ZNF486: variants seen among roughly 807,000 people sequenced by gnomAD.
ZNF486 encodes the protein KRAB box only protein 2.
A neutral mutation model predicts 12.8 loss-of-function variants in ZNF486; 12 were observed. That is an observed-to-expected ratio of 0.94 (90% CI 0.60 to 1.52). The LOEUF is 1.52. Among genes scored for constraint, ZNF486 ranks in the 40% most tolerant of loss-of-function variants. The pLI, the probability that ZNF486 is intolerant of heterozygous loss-of-function variation, is 0.00. For synonymous variants in ZNF486, 231 were observed against 184.9 expected, an observed-to-expected ratio of 1.25 and a Z score of -2.02; for missense variants, 738 against 545.0, an observed-to-expected ratio of 1.35 and a Z score of -3.53.
At position 20,197,251 on chromosome 19, in the gene ZNF486, C is replaced by T; in HGVS notation, c.541C>T (p.Pro181Ser). 2 of 1,611,558 alleles carry T rather than the reference C, an allele frequency of 1.2e-6. No homozygotes were observed. Among genetic ancestry groups the T allele is most frequent in the South Asian group, 2.2e-5 (2 of 90,520 alleles). The change falls in exon 4 of 4, where the codon CCT becomes TCT. Residue 181 changes from proline to serine, a missense_variant. Transcript: ENST00000335117. ...TAAAAGAAGACATACTGAAAAAAAA[C>T]CTTTGAAATATATAGAAGGTGACAA... ...RHKRRHTEKK[P>S]LKYIEGDKAF...
intron 1 of ZNF486, among the ~76,000 whole-genome samples, chr19:20,181,303 G>A (rs1322154936): frequency 1.3e-5 from 2 of 152,054 alleles, no homozygotes; most frequent in African/African-American, 4.8e-5. Context: ...ACTTTGGGAG[G>A]CCAAGGCGGG....
intron 1 of ZNF486, among the ~76,000 whole-genome samples, chr19:20,175,914 A>C (rs559716201): frequency 6.6e-6 from 1 of 151,498 alleles, no homozygotes; most frequent in African/African-American, 2.4e-5. Flanking sequence ...GCGGCTGGGC[A>C]GAGGCGCCCC....
At chr19:20,183,612 A>G (rs185129566) in intron 1 of ZNF486, among the ~76,000 whole-genome samples, 2 of 152,302 alleles carry the variant, frequency 1.3e-5, no homozygotes, top group Admixed American at 6.5e-5. Context: ...AATTTATCGT[A>G]GTGCAGTTAA....
At chr19:20,172,738 G>A (rs1555714084) in intron 1 of ZNF486, among the ~76,000 whole-genome samples, 2 of 142,596 alleles carry the variant, frequency 1.4e-5, no homozygotes, top group Non-Finnish European at 3.1e-5. Context: ...CTCCTGGGTT[G>A]GAGTGATTCT....
chr19:20,191,157 C>T (rs886916653), intron 3 of ZNF486, among the ~76,000 whole-genome samples: 6 of 152,176 alleles, frequency 3.9e-5, no homozygotes, highest in African/African-American at 1.4e-4. Flanking sequence ...CTGTGAGCCA[C>T]ATAAATTATT....
Position 20,188,680 on chromosome 19 carries a change from T to A in ZNF486, c.253+2598T>A, listed in dbSNP as rs546652058. 2.3e-5 allele frequency: 9 copies of A among 385,536 alleles called. No homozygotes were observed. In the East Asian group the frequency reaches 3.0e-4, roughly 13 times the overall value. The allele number at this position is 385,536 out of a possible 1,614,324, so 23.9% of individuals were successfully genotyped here. A position where few individuals can be genotyped will look rare whatever the true frequency, so the allele number is the denominator to read the frequency against. ...AAAAAAAAGCTGTTCATTTCAGGCA[T>A]GTTAAGTATATTCTCATTGTTATGT... On this transcript the variant is annotated intron_variant, in intron 3 of 3. Coordinates refer to ENST00000335117, the MANE Select transcript of ZNF486 (RefSeq NM_052852.4).
rs118141103 is a variant in ZNF486, at chr19:20,182,342, C to T, written c.31-2014C>T. Among the ~76,000 whole-genome samples the T allele has an allele frequency of 4.8e-3, 733 of 152,310 alleles. 24 individuals carry two copies. The highest frequency in any genetic ancestry group is 0.04 in the Admixed American group (607 of 15,294). The stretch of plus-strand genomic sequence containing the variant: ...TATAAGCCCATTAAAGCTTGAGAGG[C>T]AATGCTTAGCTTAGTGATTACCAGC... On this transcript the variant is annotated intron_variant, in intron 1 of 3. Coordinates refer to ENST00000335117, the MANE Select transcript of ZNF486 (RefSeq NM_052852.4).
At chr19:20,183,603 ATT>A (rs2089810102) in intron 1 of ZNF486, among the ~76,000 whole-genome samples, 1 of 152,208 alleles carries the variant, frequency 6.6e-6, no homozygotes, top group Non-Finnish European at 1.5e-5. Flanking sequence ...CATCATAAAA[ATT>A]TATCGTAGTG....
chr19:20,173,236 T>G (rs146779969), intron 1 of ZNF486, among the ~76,000 whole-genome samples: 153 of 152,310 alleles, frequency 1.0e-3, no homozygotes, highest in African/African-American at 3.6e-3. Flanking sequence ...AGTTGATTTT[T>G]GCATATGGTG....
intron 1 of ZNF486, among the ~76,000 whole-genome samples, chr19:20,182,339 A>C (rs573085258): frequency 6.6e-6 from 1 of 152,358 alleles, no homozygotes; most frequent in East Asian, 1.9e-4. Context: ...AAAGCTTGAG[A>C]GGCAATGCTT....
At chr19:20,178,663 A>G (rs1555715160) in intron 1 of ZNF486, among the ~76,000 whole-genome samples, 3 of 152,244 alleles carry the variant, frequency 2.0e-5, no homozygotes, top group Middle Eastern at 3.2e-3. Flanking sequence ...CTTCCAGTCA[A>G]TTCACACTTG....
Position 20,193,440 on chromosome 19 carries a change from T to C in ZNF486, c.254-3524T>C, listed in dbSNP as rs2089922046. 4.6e-5 allele frequency among the ~76,000 whole-genome samples: 7 copies of C among 151,784 alleles called. No individual in the cohort carries two copies. In the South Asian group the frequency reaches 1.5e-3, roughly 31 times the overall value. On this transcript the variant is annotated intron_variant, in intron 3 of 3. Transcript: ENST00000335117. ...ACTTTGGGAGGCCGAGGTGGGTGAATCAGAAGGTCAGGAGTTCGAGAGCAG... is the reference window on the plus strand; with the variant it reads ...ACTTTGGGAGGCCGAGGTGGGTGAACCAGAAGGTCAGGAGTTCGAGAGCAG...
chr19:20,186,437 T>C (rs1568323366), intron 3 of ZNF486, among the ~76,000 whole-genome samples: 1 of 152,282 alleles, frequency 6.6e-6, no homozygotes, highest in Non-Finnish European at 1.5e-5. Context: ...TAAAACCCTT[T>C]TTTAAGTTGT....
rs1007666604 is a variant in ZNF486 at position 20,169,282 on chromosome 19, T to C, written c.30+1922T>C. Among the ~76,000 whole-genome samples the C allele has an allele frequency of 3.3e-5, 5 of 152,118 alleles. No individual in the cohort carries two copies. The East Asian group carries it at 5.8e-4, about 18-fold the overall frequency. ...GGCACGCGCCGTCACGCCCGGCTAA[T>C]TATGTGTGTTTACTAGGGGTTTCTC... is the stretch of plus-strand genomic sequence containing the variant. On this transcript the variant is annotated intron_variant, in intron 1 of 3. Transcript: ENST00000335117.
intron 1 of ZNF486, among the ~76,000 whole-genome samples, chr19:20,182,871 T>G (rs1555715787): frequency 6.6e-6 from 1 of 152,058 alleles, no homozygotes; most frequent in African/African-American, 2.4e-5. Flanking sequence ...CCAGAGAATC[T>G]CATCTGAGAA....
At position 20,191,427 on chromosome 19, in the gene ZNF486, A is replaced by G. The variant is rs1031728303; in HGVS notation, c.253+5345A>G. On this transcript the variant is annotated intron_variant, in intron 3 of 3. Coordinates refer to ENST00000335117, the MANE Select transcript of ZNF486 (RefSeq NM_052852.4). ...GCTTGCAGTGAGCTGAGATTGCTCTACTGCACTCCAGCCTGGGCGACAGCG... is the reference window on the plus strand; with the variant it reads ...GCTTGCAGTGAGCTGAGATTGCTCTGCTGCACTCCAGCCTGGGCGACAGCG... Among the ~76,000 whole-genome samples, 9 of 142,720 alleles carry G rather than the reference A, an allele frequency of 6.3e-5. No homozygotes were observed. The East Asian group carries it at 1.9e-3, about 30-fold the overall frequency. 93.6% of individuals were successfully genotyped at this position (142,720 alleles called of 152,430 possible). A position where few individuals can be genotyped will look rare whatever the true frequency, so the allele number is the denominator to read the frequency against.
In ZNF486 at chr19:20,180,578, T is replaced by C. The variant is rs972625931; in HGVS notation, c.31-3778T>C. ...TTTATGAATAGAATAATTGTTATTA[T>C]AATTTTTTTTCTTTAGTCAGAATCT... On this transcript the variant is annotated intron_variant, in intron 1 of 3. Transcript: ENST00000335117. 9.9e-5 allele frequency among the ~76,000 whole-genome samples: 15 copies of C among 152,216 alleles called. 1 individual carries two copies. The highest frequency in any genetic ancestry group is 9.2e-4 in the Admixed American group (14 of 15,282).
intron 1 of ZNF486, among the ~76,000 whole-genome samples, chr19:20,181,332 A>T (rs548228681): frequency 6.6e-6 from 1 of 151,994 alleles, no homozygotes; most frequent in South Asian, 2.1e-4. Context: ...GAGGTCAGGA[A>T]ATCGAGACCA....
At chr19:20,195,047 A>G (rs2089944267) in intron 3 of ZNF486, among the ~76,000 whole-genome samples, 1 of 151,590 alleles carries the variant, frequency 6.6e-6, no homozygotes, top group African/African-American at 2.4e-5. Context: ...TTTTTCTGTC[A>G]CCGAGGCTGG....
Sources: allele counts gnomAD v4.1 joint callset (sites outside exome capture counted in the v4.1 genomes callset), GRCh38; gene constraint gnomAD v4.1.1; transcripts MANE v1.5; gene names NCBI Gene and HGNC (gene_info 2026-07-23, HGNC 2026-07-21).